CENPH: variants seen among roughly 807,000 people sequenced by gnomAD.
CENPH encodes CENP-H.
CENPH carries 40 observed loss-of-function variants against 42.9 expected under a neutral mutation model. The observed-to-expected ratio is 0.93, with a 90% CI of 0.72 to 1.21. The LOEUF is 1.21. Among genes scored for constraint, CENPH ranks in the 50% most tolerant of loss-of-function variants. The pLI is 0.00. For synonymous variants in CENPH, 88 were observed against 96.5 expected (o/e 0.91, Z 0.52); for missense variants, 302 against 292.9 (o/e 1.03, Z -0.23).
At chr5:69,199,866 A>C (rs941167914) in intron 5 of CENPH, among the ~76,000 whole-genome samples, 6 of 152,122 alleles carry the variant, frequency 3.9e-5, no homozygotes, top group Non-Finnish European at 8.8e-5. Context: ...TAATCCCAGC[A>C]CTTTGGGAGG....
At chr5:69,201,455 A>G (rs1035213962) in intron 5 of CENPH, among the ~76,000 whole-genome samples, 6 of 152,236 alleles carry the variant, frequency 3.9e-5, no homozygotes, top group African/African-American at 1.4e-4. Flanking sequence ...GAAAGCATGT[A>G]GTAAGTACTC....
At chr5:69,203,699 C>T (rs931781225) in intron 7 of CENPH, among the ~76,000 whole-genome samples, 15 of 151,940 alleles carry the variant, frequency 9.9e-5, no homozygotes, top group Non-Finnish European at 1.9e-4. Context: ...GACGGGATTT[C>T]ACCTTGTTGG....
intron 7 of CENPH, among the ~76,000 whole-genome samples, chr5:69,206,424 A>G (rs1383908694): frequency 4.3e-5 from 6 of 140,886 alleles, no homozygotes; most frequent in African/African-American, 1.3e-4. Context: ...CAGGTTATCC[A>G]CCCACCTCGG....
chr5:69,191,577 G>A (rs1747872967), intron 1 of CENPH, among the ~76,000 whole-genome samples: 2 of 152,130 alleles, frequency 1.3e-5, no homozygotes, highest in Admixed American at 1.3e-4. Flanking sequence ...TTTTCCCAGT[G>A]TATTCCATTT....
intron 2 of CENPH, among the ~76,000 whole-genome samples, chr5:69,192,782 T>C (rs936814146): frequency 1.3e-5 from 2 of 152,118 alleles, no homozygotes; most frequent in Non-Finnish European, 2.9e-5. Flanking sequence ...GAAATAAGTA[T>C]TGATTCTTTT....
chr5:69,208,451 C>T (rs759888765), intron 8 of CENPH, 92 bp downstream of exon 8: 2 of 728,568 alleles, frequency 2.7e-6, no homozygotes, highest in Non-Finnish European at 4.5e-6. Flanking sequence ...ACTCCGCCTC[C>T]TGGTTCAAGC....
intron 3 of CENPH, 148 bp from the exon 4 acceptor site, chr5:69,195,569 G>GTAAA: frequency 1.7e-6 from 1 of 582,660 alleles, no homozygotes; most frequent in Admixed American, 3.4e-5. Context: ...TACCAAATGT[G>GTAAA]TAAATACACA....
At chr5:69,205,076 G>T (rs1390573448) in intron 7 of CENPH, among the ~76,000 whole-genome samples, 1 of 150,782 alleles carries the variant, frequency 6.6e-6, no homozygotes, top group Non-Finnish European at 1.5e-5. Context: ...CCGCCACCAC[G>T]CCCAGCTAAT....
chr5:69,199,392 C>T (rs371209199), intron 5 of CENPH, among the ~76,000 whole-genome samples: 2 of 152,178 alleles, frequency 1.3e-5, no homozygotes, highest in South Asian at 2.1e-4. Flanking sequence ...CCAGGCTGGT[C>T]GCGAACTGCT....
intron 7 of CENPH, 46 bp from the exon 8 acceptor site, chr5:69,208,150 A>G (rs1748190871): frequency 1.0e-6 from 1 of 978,928 alleles, no homozygotes; most frequent in Non-Finnish European, 1.5e-6. Context: ...ATCCTTGTTT[A>G]TAGAGGTATT....
At chr5:69,193,163 GTA>G (rs996568045) in intron 2 of CENPH, among the ~76,000 whole-genome samples, 1 of 150,202 alleles carries the variant, frequency 6.7e-6, no homozygotes, top group African/African-American at 2.4e-5. Flanking sequence ...GTATATATAT[GTA>G]TATATATGTG....
intron 5 of CENPH, among the ~76,000 whole-genome samples, chr5:69,199,403 G>A (rs577469752): frequency 6.6e-6 from 1 of 152,274 alleles, no homozygotes; most frequent in South Asian, 2.1e-4. Context: ...GCGAACTGCT[G>A]AGCTCAAAGG....
rs796234892 is a variant in CENPH, at chr5:69,200,134, CAGAA to C, written c.372-2369_372-2366del. ...TCTCAAAAAAAAAAAAAAAAAAAAA[CAGAA>C]AGGTCAAATAGGCTGAGGCAGTGTT... On this transcript the variant is annotated intron_variant, in intron 5 of 8. Coordinates refer to ENST00000283006, the MANE Select transcript of CENPH (RefSeq NM_022909.4). 5.7e-3 allele frequency among the ~76,000 whole-genome samples: 765 copies of C among 133,682 alleles called. 12 individuals are homozygous for C. Among genetic ancestry groups the C allele is most frequent in the African/African-American group, 0.019 (695 of 36,246 alleles). 87.7% of individuals were successfully genotyped at this position (133,682 alleles called of 152,430 possible).
chr5:69,209,933 G>T lies in CENPH; in HGVS notation c.*134G>T. The T allele has an allele frequency of 6.3e-6, 3 of 476,504 alleles. No homozygotes were observed. Among genetic ancestry groups the T allele is most frequent in the South Asian group, 4.4e-5 (1 of 22,770 alleles). The allele number at this position is 476,504 out of a possible 1,614,324, so 29.5% of individuals were successfully genotyped here. On this transcript the variant is annotated 3_prime_UTR_variant, in exon 9 of 9. Coordinates refer to ENST00000283006, the MANE Select transcript of CENPH (RefSeq NM_022909.4). ...ACGTTTACAGTTGTAGTACAGTTGTGGTTAGTTATTTGTAGTGGGATTGAA... is the reference window on the plus strand; with the variant it reads ...ACGTTTACAGTTGTAGTACAGTTGTTGTTAGTTATTTGTAGTGGGATTGAA...
At chr5:69,196,393 C>T (rs1396772551) in intron 4 of CENPH, among the ~76,000 whole-genome samples, 1 of 152,100 alleles carries the variant, frequency 6.6e-6, no homozygotes, top group African/African-American at 2.4e-5. Context: ...GCCTGTAATC[C>T]CAGCACTTCG....
chr5:69,190,762 C>T (rs1282850850), intron 1 of CENPH, among the ~76,000 whole-genome samples: 2 of 151,930 alleles, frequency 1.3e-5, no homozygotes, highest in African/African-American at 4.8e-5. Flanking sequence ...TGGTGGCGGG[C>T]GCCTGTAATC....
rs79871157 is a variant in CENPH, at chr5:69,189,979, G to A, written c.134+211G>A. On this transcript the variant is annotated intron_variant, in intron 1 of 8. Transcript: ENST00000283006. ...GAGAGAGGTTACAAGGGTTAAATGA[G>A]ATAGTCTAGGAAAGTGTTGAGCACA... Among the ~76,000 whole-genome samples, 866 of 152,350 alleles carry A rather than the reference G, an allele frequency of 5.7e-3. 5 individuals carry two copies. The highest frequency in any genetic ancestry group is 0.017 in the Middle Eastern group (5 of 294).
At chr5:69,198,711 T>C (rs1748007836) in intron 5 of CENPH, among the ~76,000 whole-genome samples, 1 of 152,098 alleles carries the variant, frequency 6.6e-6, no homozygotes, top group African/African-American at 2.4e-5. Flanking sequence ...GGCAGGAGGA[T>C]AGCTTGAGCC....
At chr5:69,196,037 C>T (rs1047408557) in intron 4 of CENPH, among the ~76,000 whole-genome samples, 1 of 152,206 alleles carries the variant, frequency 6.6e-6, no homozygotes, top group Non-Finnish European at 1.5e-5. Flanking sequence ...CTCCCAAGCT[C>T]AAGCAATCCT....
Sources: allele counts gnomAD v4.1 joint callset (sites outside exome capture counted in the v4.1 genomes callset), GRCh38; gene constraint gnomAD v4.1.1; transcripts MANE v1.5; gene names NCBI Gene and HGNC (gene_info 2026-07-23, HGNC 2026-07-21).